The following LRMDA variants were observed in gnomAD, a reference collection of about 807,000 sequenced individuals.
LRMDA encodes the protein leucine-rich melanocyte differentiation-associated protein.
LRMDA carries 18 observed loss-of-function variants against 29.8 expected under a neutral mutation model. That is an observed-to-expected ratio of 0.60 (90% CI 0.42 to 0.90). The LOEUF (loss-of-function observed/expected upper bound fraction) is 0.90. Ranked by LOEUF, LRMDA falls within the 40% of genes least tolerant of loss-of-function variation. LRMDA has a pLI of 0.00. For synonymous variants in LRMDA, 125 were observed against 109.4 expected (o/e 1.14, Z -0.89); for missense variants, 273 against 273.9 (o/e 1.00, Z 0.02).
chr10:75,602,773 G>T (rs1840903704), intron 2 of LRMDA, among the ~76,000 whole-genome samples: 1 of 152,078 alleles, frequency 6.6e-6, no homozygotes, highest in African/African-American at 2.4e-5. Flanking sequence ...TGTTTGGAAA[G>T]GGTCATTACA....
chr10:76,007,655 G>A (rs1189615587), intron 2 of LRMDA, among the ~76,000 whole-genome samples: 1 of 152,080 alleles, frequency 6.6e-6, no homozygotes, highest in Non-Finnish European at 1.5e-5. Flanking sequence ...GACATCTCCT[G>A]GCATCACAAT....
intron 6 of LRMDA, among the ~76,000 whole-genome samples, chr10:76,363,183 A>AGG (rs1175550473): frequency 6.3e-5 from 1 of 16,000 alleles, no homozygotes; most frequent in Admixed American, 3.7e-4. Flanking sequence ...GAAAGGAGGG[A>AGG]GGGAGGGAGG....
intron 2 of LRMDA, among the ~76,000 whole-genome samples, chr10:75,605,635 G>A (rs1394677251): frequency 1.3e-5 from 2 of 152,216 alleles, no homozygotes; most frequent in Admixed American, 6.5e-5. Context: ...CTGCTCTAAT[G>A]TTAAGAGTGA....
chr10:75,514,858 A>G (rs1335106782), intron 2 of LRMDA, among the ~76,000 whole-genome samples: 9 of 151,990 alleles, frequency 5.9e-5, no homozygotes, highest in South Asian at 4.2e-4. Context: ...GTGTTCCTTT[A>G]TAACAATACA....
rs1389375935 is a variant in LRMDA, at chr10:76,559,726, C to T, written c.*2438C>T. On this transcript the variant is annotated 3_prime_UTR_variant, in exon 7 of 7. Transcript: ENST00000611255. ...ATCAGGGCCCAGACATGTTTTGTACCCCCTTTACCCTTTGGTCTTTCTTCC... is the reference window on the plus strand; with the variant it reads ...ATCAGGGCCCAGACATGTTTTGTACTCCCTTTACCCTTTGGTCTTTCTTCC... 6.6e-6 allele frequency: 1 copy of T among 152,136 alleles called. No individual in the cohort carries two copies. Among genetic ancestry groups the T allele is most frequent in the African/African-American group, 2.4e-5 (1 of 41,438 alleles). 9.4% of individuals were successfully genotyped at this position (152,136 alleles called of 1,614,324 possible). A position where few individuals can be genotyped will look rare whatever the true frequency, so the allele number is the denominator to read the frequency against.
intron 5 of LRMDA, among the ~76,000 whole-genome samples, chr10:76,088,958 C>T (rs1246377477): frequency 1.3e-5 from 2 of 152,172 alleles, no homozygotes; most frequent in Non-Finnish European, 2.9e-5. Flanking sequence ...TATGACAATT[C>T]TGTCCGTGTG....
Position 76,558,214 on chromosome 10 carries a change from G to A in LRMDA, c.*926G>A, listed in dbSNP as rs1843581333. ...GTGGGGCTGGCTTGCTCCTTTGGGT[G>A]CTATTTAAAGGGAGTGAGGTGATGA... On this transcript the variant is annotated 3_prime_UTR_variant, in exon 7 of 7. Coordinates refer to ENST00000611255, the MANE Select transcript of LRMDA (RefSeq NM_001305581.2). 1 of 152,226 alleles carries A rather than the reference G, an allele frequency of 6.6e-6. No homozygotes were observed. Among genetic ancestry groups the A allele is most frequent in the Non-Finnish European group, 1.5e-5 (1 of 68,074 alleles). 9.4% of individuals were successfully genotyped at this position (152,226 alleles called of 1,614,324 possible).
chr10:76,476,944 A>G (rs1173966808), intron 6 of LRMDA, among the ~76,000 whole-genome samples: 1 of 152,194 alleles, frequency 6.6e-6, no homozygotes, highest in Non-Finnish European at 1.5e-5. Flanking sequence ...AGCCATTATC[A>G]TACTGAATGG....
At chr10:76,382,412 C>T (rs1841603832) in intron 6 of LRMDA, among the ~76,000 whole-genome samples, 1 of 152,132 alleles carries the variant, frequency 6.6e-6, no homozygotes, top group African/African-American at 2.4e-5. Context: ...TGGTGGCCAT[C>T]GTATTGCAAA....
intron 2 of LRMDA, among the ~76,000 whole-genome samples, chr10:75,750,805 G>A (rs377196327): frequency 4.6e-5 from 7 of 150,760 alleles, no homozygotes; most frequent in Admixed American, 3.3e-4. Context: ...GGTGGCAGCC[G>A]GGAAGAGGCG....
At chr10:76,038,634 A>C (rs184650260) in intron 3 of LRMDA, among the ~76,000 whole-genome samples, 1 of 152,240 alleles carries the variant, frequency 6.6e-6, no homozygotes. Context: ...ATAACAGCAC[A>C]TGCTATCTTC....
chr10:75,499,935 G>A (rs931828752), intron 2 of LRMDA, among the ~76,000 whole-genome samples: 1 of 152,160 alleles, frequency 6.6e-6, no homozygotes, highest in African/African-American at 2.4e-5. Flanking sequence ...AGATAGTTGA[G>A]CTGAGAGCCA....
chr10:76,039,813 A>G (rs1409937889), intron 3 of LRMDA, among the ~76,000 whole-genome samples: 1 of 152,206 alleles, frequency 6.6e-6, no homozygotes, highest in African/African-American at 2.4e-5. Context: ...TCTCAGACAT[A>G]TTAGATTCTA....
intron 5 of LRMDA, among the ~76,000 whole-genome samples, chr10:76,264,556 G>T (rs1038563774): frequency 4.6e-5 from 7 of 151,152 alleles, no homozygotes; most frequent in African/African-American, 1.7e-4. Flanking sequence ...CAGCTTGGCT[G>T]CTTCTCATGC....
chr10:76,240,209 A>C (rs1223311296), intron 5 of LRMDA, among the ~76,000 whole-genome samples: 2 of 150,452 alleles, frequency 1.3e-5, no homozygotes, highest in African/African-American at 2.4e-5. Context: ...ACACACACAC[A>C]CCACACACAC....
chr10:76,067,431 T>C (rs940930881), intron 5 of LRMDA, among the ~76,000 whole-genome samples: 2 of 152,222 alleles, frequency 1.3e-5, no homozygotes, highest in Non-Finnish European at 2.9e-5. Flanking sequence ...TTATTTTTAT[T>C]AAGTTTGAAA....
rs531729040 is a variant in LRMDA at position 76,055,063 on chromosome 10, C to CAAAAAAAAAAAAAAAAAAAAAAAAAAA, written c.399-3598_399-3572dup. Among the ~76,000 whole-genome samples the CAAAAAAAAAAAAAAAAAAAAAAAAAAA allele has an allele frequency of 2.9e-3, 133 of 45,918 alleles. 1 individual carries two copies. The highest frequency in any genetic ancestry group is 7.5e-3 in the East Asian group (7 of 930). 30.1% of individuals were successfully genotyped at this position (45,918 alleles called of 152,430 possible). A position where few individuals can be genotyped will look rare whatever the true frequency, so the allele number is the denominator to read the frequency against. On this transcript the variant is annotated intron_variant, in intron 4 of 6. Transcript: ENST00000611255. The stretch of plus-strand genomic sequence containing the variant: ...TGGGCAACAGAGCAAGACTCCATCT[C>CAAAAAAAAAAAAAAAAAAAAAAAAAAA]AAAAAAAAAAAAAAAAAAAAAAAAA...
intron 5 of LRMDA, among the ~76,000 whole-genome samples, chr10:76,099,157 A>ATTTGT (rs1209769104): frequency 1.3e-5 from 2 of 152,230 alleles, no homozygotes; most frequent in Non-Finnish European, 2.9e-5. Flanking sequence ...CCTACCTACA[A>ATTTGT]AGGCCATCTA....
intron 2 of LRMDA, among the ~76,000 whole-genome samples, chr10:75,662,911 T>A (rs1349575194): frequency 6.6e-6 from 1 of 152,186 alleles, no homozygotes; most frequent in Non-Finnish European, 1.5e-5. Context: ...ACATGAAGCA[T>A]TTGAGAGCTG....
Sources: allele counts gnomAD v4.1 joint callset (sites outside exome capture counted in the v4.1 genomes callset), GRCh38; gene constraint gnomAD v4.1.1; transcripts MANE v1.5; gene names NCBI Gene and HGNC (gene_info 2026-07-23, HGNC 2026-07-21).